The following ADAMTS18 variants were observed in gnomAD, a reference collection of about 807,000 sequenced individuals.
ADAMTS18 encodes the protein ADAM metallopeptidase with thrombospondin type 1 motif 18.
A neutral mutation model predicts 165.9 loss-of-function variants in ADAMTS18; 157 were observed. The observed-to-expected ratio is 0.95, with a 90% confidence interval of 0.83 to 1.08. The LOEUF is 1.08. Ranked by LOEUF, ADAMTS18 falls within the 50% of genes least tolerant of loss-of-function variation. The probability of loss-of-function intolerance (pLI) is 0.00; values close to 1 mark genes in which losing one functional copy is unlikely to be tolerated. For synonymous variants in ADAMTS18, 782 were observed against 578.2 expected (o/e 1.35, Z -5.06); for missense variants, 2,040 against 1,534.0 (o/e 1.33, Z -5.51).
At chr16:77,388,882 T>G (rs183038045) in intron 3 of ADAMTS18, among the ~76,000 whole-genome samples, 17 of 152,342 alleles carry the variant, frequency 1.1e-4, no homozygotes, top group Admixed American at 1.0e-3. Context: ...GTTTGTCGAT[T>G]TAATGACTAA....
At chr16:77,294,724 T>G (rs1276207968) in intron 19 of ADAMTS18, among the ~76,000 whole-genome samples, 199 bp downstream of exon 19, 4 of 152,144 alleles carry the variant, frequency 2.6e-5, no homozygotes, top group Admixed American at 1.3e-4. Context: ...CTAAGGAGGA[T>G]TCTAAGCTCT....
At chr16:77,324,390 G>T (rs12596166) in intron 13 of ADAMTS18, among the ~76,000 whole-genome samples, 2 of 152,112 alleles carry the variant, frequency 1.3e-5, no homozygotes, top group South Asian at 2.1e-4. Context: ...ACTTACAGAG[G>T]GAGTATATTT....
rs2057778514 is a variant in ADAMTS18 at position 77,434,856 on chromosome 16, C to T, written c.-161G>A. 9.4e-6 allele frequency: 5 copies of T among 531,424 alleles called. No homozygotes were observed. The East Asian group carries it at 2.0e-4, about 21-fold the overall frequency. 32.9% of individuals were successfully genotyped at this position (531,424 alleles called of 1,614,324 possible). A position where few individuals can be genotyped will look rare whatever the true frequency, so the allele number is the denominator to read the frequency against. On this transcript the variant is annotated 5_prime_UTR_variant, in exon 1 of 23. Transcript: ENST00000282849. ...CGCAGCGGGGGCGCGCTGGGACCTCCCCTCCTCCGGCCGCCTGCGCGCCCT... is the reference window on the plus strand; with the variant it reads ...CGCAGCGGGGGCGCGCTGGGACCTCTCCTCCTCCGGCCGCCTGCGCGCCCT...
chr16:77,307,130 TATTTA>T (rs2055696265), intron 16 of ADAMTS18, among the ~76,000 whole-genome samples: 1 of 152,250 alleles, frequency 6.6e-6, no homozygotes, highest in African/African-American at 2.4e-5. Flanking sequence ...CCCCTGGATT[TATTTA>T]TAATCATTGT....
chr16:77,427,900 C>T (rs778905668), intron 3 of ADAMTS18, among the ~76,000 whole-genome samples: 65 of 152,162 alleles, frequency 4.3e-4, no homozygotes, highest in Non-Finnish European at 7.6e-4. Context: ...TATGTATGCA[C>T]GCATGTCTGC....
chr16:77,370,364 A>G (rs755459219), intron 3 of ADAMTS18, among the ~76,000 whole-genome samples: 2 of 152,208 alleles, frequency 1.3e-5, no homozygotes, highest in African/African-American at 2.4e-5. Context: ...AACTATTAGA[A>G]TAGAGGAACA....
At chr16:77,320,185 TAG>T (rs2055970044) in intron 15 of ADAMTS18, 92 bp from the exon 16 acceptor site, 1 of 1,474,522 alleles carries the variant, frequency 6.8e-7, no homozygotes, top group South Asian at 1.2e-5. Context: ...TTCAGTTTTA[TAG>T]AGTGAGGTTT....
At chr16:77,318,299 A>G (rs975354095) in intron 16 of ADAMTS18, among the ~76,000 whole-genome samples, 7 of 152,148 alleles carry the variant, frequency 4.6e-5, no homozygotes, top group Non-Finnish European at 8.8e-5. Context: ...CCTCCCACAG[A>G]GGCAACCATT....
chr16:77,321,486 T>C (rs916508935), intron 14 of ADAMTS18, among the ~76,000 whole-genome samples: 3 of 152,160 alleles, frequency 2.0e-5, no homozygotes, highest in African/African-American at 7.2e-5. Context: ...CTGAGATTAT[T>C]CAGGCCAGCT....
chr16:77,298,356 C>T (rs2055515923), intron 17 of ADAMTS18, among the ~76,000 whole-genome samples: 1 of 152,128 alleles, frequency 6.6e-6, no homozygotes, highest in Non-Finnish European at 1.5e-5. Context: ...GCTGCCTCCC[C>T]TTTGAATTGT....
At chr16:77,370,041 T>C (rs528199620) in intron 3 of ADAMTS18, among the ~76,000 whole-genome samples, 1 of 152,282 alleles carries the variant, frequency 6.6e-6, no homozygotes, top group East Asian at 1.9e-4. Flanking sequence ...CTCTTCATGA[T>C]AAAAACTCTC....
At chr16:77,301,682 C>A (rs1452793670) in intron 16 of ADAMTS18, among the ~76,000 whole-genome samples, 1 of 152,218 alleles carries the variant, frequency 6.6e-6, no homozygotes, top group Non-Finnish European at 1.5e-5. Flanking sequence ...CTTCATTTCA[C>A]CAGATCACTC....
At chr16:77,338,006 C>T (rs907021844) in intron 11 of ADAMTS18, among the ~76,000 whole-genome samples, 5 of 151,002 alleles carry the variant, frequency 3.3e-5, no homozygotes, top group South Asian at 2.1e-4. Context: ...CAGGTTCAAG[C>T]GATTCTCCTG....
chr16:77,380,039 A>G (rs2057009817), intron 3 of ADAMTS18, among the ~76,000 whole-genome samples: 1 of 152,164 alleles, frequency 6.6e-6, no homozygotes, highest in African/African-American at 2.4e-5. Flanking sequence ...AGGTTCCAAA[A>G]GTCTTGCTGC....
intron 3 of ADAMTS18, among the ~76,000 whole-genome samples, chr16:77,377,317 T>C (rs2056967893): frequency 6.6e-6 from 1 of 152,202 alleles, no homozygotes; most frequent in Non-Finnish European, 1.5e-5. Flanking sequence ...CACAATTAAT[T>C]TTTAATAGTT....
At chr16:77,300,136 T>C (rs1186706669) in intron 17 of ADAMTS18, 127 bp downstream of exon 17, 2 of 1,129,872 alleles carry the variant, frequency 1.8e-6, no homozygotes, top group Admixed American at 4.1e-5. Context: ...GCTTTTATGG[T>C]GATGGTTCTC....
chr16:77,283,792 G>GAAGCCTAC lies in ADAMTS18; in HGVS notation c.*156_*163dup, dbSNP rs1413204173. ...CCACGTGCTTCAGGGAATTGAGCTA[G>GAAGCCTAC]AAGCCTACTGGCAACCTGTCTGTTC... is the stretch of plus-strand genomic sequence containing the variant. On this transcript the variant is annotated 3_prime_UTR_variant, in exon 23 of 23. Coordinates refer to ENST00000282849, the MANE Select transcript of ADAMTS18 (RefSeq NM_199355.4). 20 of 625,536 alleles carry GAAGCCTAC rather than the reference G, an allele frequency of 3.2e-5. No individual in the cohort carries two copies. The highest frequency in any genetic ancestry group is 8.3e-5 in the Admixed American group (3 of 36,104). 38.7% of individuals were successfully genotyped at this position (625,536 alleles called of 1,614,324 possible).
chr16:77,416,847 A>T (rs1450328660), intron 3 of ADAMTS18, among the ~76,000 whole-genome samples: 1 of 152,164 alleles, frequency 6.6e-6, no homozygotes, highest in Non-Finnish European at 1.5e-5. Flanking sequence ...TGCTACAGGA[A>T]TCCAGGTGAG....
At chr16:77,385,113 T>G (rs886669199) in intron 3 of ADAMTS18, among the ~76,000 whole-genome samples, 1 of 152,074 alleles carries the variant, frequency 6.6e-6, no homozygotes, top group African/African-American at 2.4e-5. Flanking sequence ...TTCACCATGT[T>G]GACCAGGCTG....
Sources: allele counts gnomAD v4.1 joint callset (sites outside exome capture counted in the v4.1 genomes callset), GRCh38; gene constraint gnomAD v4.1.1; transcripts MANE v1.5; gene names NCBI Gene and HGNC (gene_info 2026-07-23, HGNC 2026-07-21).